The following NCALD variants were observed in gnomAD, a reference collection of about 807,000 sequenced individuals.
NCALD encodes the protein neurocalcin delta.
NCALD carries 10 observed loss-of-function variants against 18.6 expected under a neutral mutation model. That is an observed-to-expected ratio of 0.54 (90% CI 0.33 to 0.91). The LOEUF (loss-of-function observed/expected upper bound fraction) is 0.91. Ranked by LOEUF, NCALD falls within the 40% of genes least tolerant of loss-of-function variation. The pLI is 0.03. For synonymous variants in NCALD, 88 were observed against 87.4 expected (o/e 1.01, Z -0.04); for missense variants, 184 against 247.6 (o/e 0.74, Z 1.72).
At chr8:101,903,166 A>T (rs191609514) in intron 3 of NCALD, among the ~76,000 whole-genome samples, 1 of 151,874 alleles carries the variant, frequency 6.6e-6, no homozygotes, top group Non-Finnish European at 1.5e-5. Context: ...AATACTAAAA[A>T]TAACTAGACA....
chr8:101,832,881 T>G (rs1242313281), intron 4 of NCALD, among the ~76,000 whole-genome samples: 3 of 152,346 alleles, frequency 2.0e-5, no homozygotes, highest in Admixed American at 2.0e-4. Flanking sequence ...AATTACCATG[T>G]CAGCCCCTGT....
intron 1 of NCALD, chr8:101,788,639 T>C (rs143434113): frequency 9.8e-5 from 15 of 152,342 alleles, no homozygotes; most frequent in Non-Finnish European, 2.1e-4. Flanking sequence ...CTTTATTTTA[T>C]GCATGTAAAA....
At chr8:102,048,413 G>A (rs1053877174) in intron 1 of NCALD, among the ~76,000 whole-genome samples, 1 of 152,172 alleles carries the variant, frequency 6.6e-6, no homozygotes, top group Non-Finnish European at 1.5e-5. Flanking sequence ...ACTGGTCCAT[G>A]GGGAATGGCC....
intron 4 of NCALD, among the ~76,000 whole-genome samples, chr8:101,854,567 T>C (rs1815229632): frequency 6.6e-6 from 1 of 152,144 alleles, no homozygotes; most frequent in South Asian, 2.1e-4. Flanking sequence ...TCTTTTCTTT[T>C]TCTTGATGCT....
intron 2 of NCALD, chr8:101,694,138 G>C (rs1032958690): frequency 3.3e-5 from 5 of 152,178 alleles, no homozygotes; most frequent in African/African-American, 1.2e-4. Flanking sequence ...TTGCTAATCA[G>C]AGTCACTTTG....
intron 1 of NCALD, among the ~76,000 whole-genome samples, chr8:101,764,197 G>A (rs1314359997): frequency 1.3e-5 from 2 of 152,110 alleles, no homozygotes; most frequent in Non-Finnish European, 2.9e-5. Context: ...CCATAAGACT[G>A]GATGTGCTCA....
At chr8:101,923,271 TGTGA>T (rs1818227974) in intron 2 of NCALD, among the ~76,000 whole-genome samples, 1 of 152,202 alleles carries the variant, frequency 6.6e-6, no homozygotes, top group Non-Finnish European at 1.5e-5. Context: ...ATTACCCACT[TGTGA>T]GTATTTTGTT....
At chr8:101,856,482 C>G (rs537773841) in intron 4 of NCALD, among the ~76,000 whole-genome samples, 2 of 152,042 alleles carry the variant, frequency 1.3e-5, no homozygotes, top group African/African-American at 2.4e-5. Flanking sequence ...CGAGCCACCA[C>G]GCCCAGCCTG....
rs140989960 is a variant in NCALD, at chr8:102,040,747, C to T, written c.-209-20458G>A. On this transcript the variant is annotated intron_variant, in intron 1 of 6. Coordinates refer to the NCALD transcript ENST00000311028. Reference sequence around the variant, plus strand: ...GGACACAGACCCAAGTGGGTTCCTACCACTATGATCAGCATTACATAGCCT... The same window carrying T: ...GGACACAGACCCAAGTGGGTTCCTATCACTATGATCAGCATTACATAGCCT... 8.7e-4 allele frequency among the ~76,000 whole-genome samples: 132 copies of T among 152,262 alleles called. 1 individual carries two copies. Among genetic ancestry groups the T allele is most frequent in the Middle Eastern group, 3.4e-3 (1 of 294 alleles).
intron 1 of NCALD, among the ~76,000 whole-genome samples, chr8:102,114,260 G>C (rs991559946): frequency 9.2e-5 from 14 of 152,176 alleles, no homozygotes; most frequent in African/African-American, 3.1e-4. Context: ...TCCCTACCAG[G>C]AGCTGGCCCA....
At chr8:102,069,886 A>AG (rs1824126624) in intron 1 of NCALD, 1 of 152,212 alleles carries the variant, frequency 6.6e-6, no homozygotes, top group Non-Finnish European at 1.5e-5. Context: ...AGGCCGAGGC[A>AG]GGCAGGTCGC....
chr8:101,854,330 G>A (rs1431481250), intron 4 of NCALD, among the ~76,000 whole-genome samples: 1 of 152,132 alleles, frequency 6.6e-6, no homozygotes, highest in Non-Finnish European at 1.5e-5. Context: ...GATGACAGCT[G>A]TCTCACTCTA....
upstream of NCALD, chr8:102,124,833 CT>C (rs890374275): frequency 5.9e-5 from 9 of 152,334 alleles, no homozygotes; most frequent in Non-Finnish European, 1.2e-4. Flanking sequence ...AGTGCTTTCT[CT>C]ACCCAAAGCC....
chr8:101,851,672 G>A (rs1815098341), intron 4 of NCALD, among the ~76,000 whole-genome samples: 2 of 152,084 alleles, frequency 1.3e-5, no homozygotes, highest in South Asian at 4.2e-4. Context: ...ACACCCATTA[G>A]TATTCTTAGC....
At chr8:101,963,848 A>G (rs1273264317) in intron 2 of NCALD, among the ~76,000 whole-genome samples, 7 of 152,302 alleles carry the variant, frequency 4.6e-5, no homozygotes, top group African/African-American at 1.2e-4. Flanking sequence ...GTCAATCATG[A>G]TAATAGTGTG....
Position 102,054,480 on chromosome 8 carries a change from G to A in NCALD, c.-209-34191C>T, listed in dbSNP as rs535738054. Among the ~76,000 whole-genome samples, 12 of 152,108 alleles carry A rather than the reference G, an allele frequency of 7.9e-5. No homozygotes were observed. In the East Asian group the frequency reaches 1.9e-3, roughly 24 times the overall value. The stretch of plus-strand genomic sequence containing the variant: ...AATGACTAAACAAGATAATGTGAAT[G>A]AGCCTTGTCCAATTAGTTGAACTCC... On this transcript the variant is annotated intron_variant, in intron 1 of 6. Transcript: ENST00000311028.
At chr8:101,976,640 T>A (rs922365075) in intron 2 of NCALD, among the ~76,000 whole-genome samples, 6 of 152,228 alleles carry the variant, frequency 3.9e-5, no homozygotes, top group Non-Finnish European at 5.9e-5. Context: ...CCAAGTATTT[T>A]AAAGGCTGAT....
At chr8:101,740,748 A>G (rs1263517435) in intron 1 of NCALD, among the ~76,000 whole-genome samples, 1 of 152,156 alleles carries the variant, frequency 6.6e-6, no homozygotes, top group African/African-American at 2.4e-5. Flanking sequence ...ACATCTCTAT[A>G]AGACAGGTTC....
chr8:102,055,963 G>C (rs535111399), intron 1 of NCALD, among the ~76,000 whole-genome samples: 3 of 152,074 alleles, frequency 2.0e-5, no homozygotes, highest in Non-Finnish European at 2.9e-5. Context: ...AACACTGAGA[G>C]GTATGTTTCA....
Sources: gnomAD v4.1 joint callset for allele counts (sites outside exome capture counted in the v4.1 genomes callset) on GRCh38, gnomAD v4.1.1 for gene constraint, MANE v1.5 for transcripts, NCBI Gene and HGNC (gene_info 2026-07-23, HGNC 2026-07-21) for gene names.